The following GALNT2 variants were observed in gnomAD, a reference collection of about 807,000 sequenced individuals.
GALNT2 encodes the protein UDP-GalNAc:polypeptide N-acetylgalactosaminyltransferase 2.
Under a neutral mutation model 81.4 loss-of-function variants are expected in GALNT2, and 31 were observed. The ratio of observed to expected loss-of-function variants is 0.38; its 90% CI spans 0.29 to 0.51. The LOEUF is 0.51. GALNT2 is among the 20% of genes least tolerant of loss of function. The pLI, the probability that GALNT2 is intolerant of heterozygous loss-of-function variation, is 0.87. For missense variants in GALNT2, 629 were observed against 765.7 expected (o/e 0.82, Z 2.11); for synonymous variants, 303 against 287.4 (o/e 1.05, Z -0.55).
intron 1 of GALNT2, among the ~76,000 whole-genome samples, chr1:230,172,676 C>T (rs1023080072): frequency 3.3e-5 from 5 of 152,184 alleles, no homozygotes; most frequent in African/African-American, 9.7e-5. Flanking sequence ...CTCCTCCACT[C>T]CCCTGACCAC....
intron 3 of GALNT2, among the ~76,000 whole-genome samples, chr1:230,221,769 A>G (rs570632417): frequency 2.6e-5 from 4 of 152,250 alleles, no homozygotes; most frequent in Non-Finnish European, 4.4e-5. Flanking sequence ...ATGAATATTG[A>G]CATGTGTTCA....
chr1:230,251,804 T>C (rs1256368555), intron 10 of GALNT2, among the ~76,000 whole-genome samples: 1 of 152,158 alleles, frequency 6.6e-6, no homozygotes, highest in Non-Finnish European at 1.5e-5. Context: ...GTTTGCATAC[T>C]ATTAGCTGAA....
intron 1 of GALNT2, among the ~76,000 whole-genome samples, chr1:230,106,303 C>T (rs1371702275): frequency 6.6e-6 from 1 of 152,176 alleles, no homozygotes; most frequent in Non-Finnish European, 1.5e-5. Context: ...GTCTGAGAAT[C>T]TGAGAAACGA....
rs150060849 is a variant in GALNT2, at chr1:230,124,032, C to T, written c.127-54186C>T. Among the ~76,000 whole-genome samples, 622 of 152,284 alleles carry T rather than the reference C, an allele frequency of 4.1e-3. 4 individuals carry two copies. Among genetic ancestry groups the T allele is most frequent in the African/African-American group, 0.015 (603 of 41,534 alleles). On this transcript the variant is annotated intron_variant, in intron 1 of 15. Coordinates refer to ENST00000366672, the MANE Select transcript of GALNT2 (RefSeq NM_004481.5). The stretch of plus-strand genomic sequence containing the variant: ...CTTAATGAAAGCATGTGGATAGTGA[C>T]GTGAGGATGACCTGAAGATATGACT...
chr1:230,206,602 T>C (rs1444285582), intron 3 of GALNT2, among the ~76,000 whole-genome samples: 1 of 152,234 alleles, frequency 6.6e-6, no homozygotes, highest in Non-Finnish European at 1.5e-5. Context: ...ATATATCTAA[T>C]GGGGAGCTAT....
At chr1:230,178,337 C>T (rs1220086417) in intron 2 of GALNT2, 26 bp downstream of exon 2, 1 of 1,580,380 alleles carries the variant, frequency 6.3e-7, no homozygotes, top group Admixed American at 1.7e-5. Flanking sequence ...AGGAAGCCAT[C>T]TTGCTTTGAG....
At chr1:230,265,807 G>A (rs1301180495) in intron 14 of GALNT2, among the ~76,000 whole-genome samples, 3 of 152,226 alleles carry the variant, frequency 2.0e-5, no homozygotes, top group African/African-American at 4.8e-5. Flanking sequence ...GCTAGTTATA[G>A]CCCCTGCCTG....
intron 1 of GALNT2, among the ~76,000 whole-genome samples, chr1:230,121,364 G>C (rs1661010485): frequency 2.6e-5 from 4 of 152,246 alleles, no homozygotes; most frequent in Non-Finnish European, 5.9e-5. Flanking sequence ...GCACCAGCAG[G>C]CTTTTGTGCG....
intron 1 of GALNT2, among the ~76,000 whole-genome samples, chr1:230,083,695 G>T (rs1281966364): frequency 6.6e-6 from 1 of 152,202 alleles, no homozygotes; most frequent in Non-Finnish European, 1.5e-5. Context: ...ACGGTGTCCG[G>T]AGAGTAAGGA....
chr1:230,252,644 G>C (rs1665584485), intron 10 of GALNT2, among the ~76,000 whole-genome samples: 1 of 151,966 alleles, frequency 6.6e-6, no homozygotes, highest in South Asian at 2.1e-4. Flanking sequence ...AAAGTTATAG[G>C]GTTCAAATGA....
At chr1:230,214,525 A>G (rs1340955590) in intron 3 of GALNT2, among the ~76,000 whole-genome samples, 1 of 152,314 alleles carries the variant, frequency 6.6e-6, no homozygotes, top group East Asian at 1.9e-4. Flanking sequence ...GTTTCTGGCG[A>G]AATGTCTACC....
intron 11 of GALNT2, among the ~76,000 whole-genome samples, chr1:230,261,323 C>T (rs1267303838): frequency 6.6e-6 from 1 of 152,132 alleles, no homozygotes; most frequent in Non-Finnish European, 1.5e-5. Context: ...ATATAGGCCC[C>T]ATACAGAAAT....
At chr1:230,266,957 T>A (rs543582095) in intron 14 of GALNT2, among the ~76,000 whole-genome samples, 1 of 151,900 alleles carries the variant, frequency 6.6e-6, no homozygotes, top group African/African-American at 2.4e-5. Flanking sequence ...CCGACAGATA[T>A]GAGTGTGCTT....
intron 6 of GALNT2, among the ~76,000 whole-genome samples, chr1:230,238,827 GT>G (rs970237691): frequency 6.6e-6 from 1 of 152,094 alleles, no homozygotes; most frequent in African/African-American, 2.4e-5. Context: ...TATTTTTCCA[GT>G]TTTGGCATTA....
chr1:230,246,488 G>A (rs1362285083), intron 8 of GALNT2, among the ~76,000 whole-genome samples: 4 of 152,144 alleles, frequency 2.6e-5, no homozygotes, highest in Non-Finnish European at 5.9e-5. Context: ...GAAGCTTCAC[G>A]GAGCTGAGGC....
At chr1:230,265,954 G>A (rs1666026078) in intron 14 of GALNT2, among the ~76,000 whole-genome samples, 1 of 152,252 alleles carries the variant, frequency 6.6e-6, no homozygotes, top group East Asian at 1.9e-4. Flanking sequence ...CACTTTGGGA[G>A]GCTGTGGTGG....
chr1:230,122,555 G>A (rs899410617), intron 1 of GALNT2, among the ~76,000 whole-genome samples: 1 of 152,116 alleles, frequency 6.6e-6, no homozygotes, highest in East Asian at 1.9e-4. Context: ...TTTCCCCCCA[G>A]GGATAAGGAA....
In GALNT2 at chr1:230,243,845, G is replaced by A. The variant is rs1665283736; in HGVS notation, c.729+418G>A. 6.6e-6 allele frequency among the ~76,000 whole-genome samples: 1 copy of A among 152,142 alleles called. No individual in the cohort carries two copies. Among genetic ancestry groups the A allele is most frequent in the South Asian group, 2.1e-4 (1 of 4,820 alleles). ...GCGTGCTGGGGAAGCTGTCCCTGGGGCCACCTCTCTGCTCTTAGTGAGTAG... is the reference window on the plus strand; with the variant it reads ...GCGTGCTGGGGAAGCTGTCCCTGGGACCACCTCTCTGCTCTTAGTGAGTAG... On this transcript the variant is annotated intron_variant, in intron 7 of 15. Coordinates refer to ENST00000366672, the MANE Select transcript of GALNT2 (RefSeq NM_004481.5). The surrounding 1 kb of genome is among the most constrained non-coding windows in gnomAD (Gnocchi z 4.2).
chr1:230,277,318 G>A (rs1437228343), intron 15 of GALNT2, among the ~76,000 whole-genome samples: 3 of 152,152 alleles, frequency 2.0e-5, no homozygotes, highest in Non-Finnish European at 4.4e-5. Context: ...CCACCTGTGC[G>A]AGACGGAGCT....
Sources: allele counts gnomAD v4.1 joint callset (sites outside exome capture counted in the v4.1 genomes callset), GRCh38; gene constraint gnomAD v4.1.1; non-coding constraint Gnocchi (gnomAD v3.1); transcripts MANE v1.5; gene names NCBI Gene and HGNC (gene_info 2026-07-23, HGNC 2026-07-21).